NCAPD3: variants seen among roughly 807,000 people sequenced by gnomAD.
NCAPD3 encodes the protein non-SMC condensin II complex subunit D3.
A neutral mutation model predicts 182.9 loss-of-function variants in NCAPD3; 105 were observed. The ratio of observed to expected loss-of-function variants is 0.57; its 90% confidence interval spans 0.49 to 0.68. The LOEUF is 0.68. Among genes scored for constraint, NCAPD3 ranks in the 30% least tolerant of loss-of-function variants. NCAPD3 has a pLI of 0.00. For synonymous variants in NCAPD3, 815 were observed against 679.9 expected, an observed-to-expected ratio of 1.20 and a Z score of -3.09; for missense variants, 1,944 against 1,837.0, an observed-to-expected ratio of 1.06 and a Z score of -1.07.
chr11:134,211,820 A>G (rs1248852558), intron 3 of NCAPD3, among the ~76,000 whole-genome samples: 1 of 152,228 alleles, frequency 6.6e-6, no homozygotes, highest in Non-Finnish European at 1.5e-5. Context: ...AAGATACAGC[A>G]GGAGCGTAGA....
intron 27 of NCAPD3, among the ~76,000 whole-genome samples, chr11:134,165,099 C>T (rs115424068): frequency 0.016 from 1,966 of 124,060 alleles, 35 homozygotes; most frequent in African/African-American, 0.056. Context: ...AATGAGCTTG[C>T]GGGAGCTGCA....
intron 8 of NCAPD3, among the ~76,000 whole-genome samples, chr11:134,206,079 C>T (rs1937606712): frequency 6.6e-6 from 1 of 152,188 alleles, no homozygotes; most frequent in South Asian, 2.1e-4. Flanking sequence ...TTAAGTGAAG[C>T]TGAGTGACCC....
intron 24 of NCAPD3, among the ~76,000 whole-genome samples, chr11:134,173,899 T>A (rs1944088831): frequency 2.0e-5 from 3 of 150,410 alleles, no homozygotes. Flanking sequence ...AGTCGGAGGC[T>A]GCAGTGAGCC....
At chr11:134,223,412 C>A (rs773291257) in intron 1 of NCAPD3, 1 of 702,378 alleles carries the variant, frequency 1.4e-6, no homozygotes, top group South Asian at 1.5e-5. Flanking sequence ...GTGCCATTAG[C>A]AGGCTTTGGG....
At chr11:134,190,362 T>C (rs1428900300) in intron 16 of NCAPD3, among the ~76,000 whole-genome samples, 1 of 152,232 alleles carries the variant, frequency 6.6e-6, no homozygotes, top group Non-Finnish European at 1.5e-5. Context: ...CATCCTCATA[T>C]CATTGTTGTT....
At chr11:134,199,002 T>C (rs931960954) in intron 13 of NCAPD3, among the ~76,000 whole-genome samples, 1 of 151,962 alleles carries the variant, frequency 6.6e-6, no homozygotes, top group African/African-American at 2.4e-5. Flanking sequence ...CAAACGAACA[T>C]GGCAACACTC....
In NCAPD3 at chr11:134,185,002, TAGAG is replaced by T. The variant is rs1340720578; in HGVS notation, c.2238-6_2238-3del. The stretch of plus-strand genomic sequence containing the variant: ...GTGTTTGAATTGGGATTCTGCTGAC[TAGAG>T]AAAGGGCAGGAGGAATATGAAGGGA... On this transcript the variant is annotated splice_polypyrimidine_tract_variant and splice_region_variant and intron_variant, in intron 17 of 34. Coordinates refer to ENST00000534548, the MANE Select transcript of NCAPD3 (RefSeq NM_015261.3). The T allele has an allele frequency of 2.5e-6, 4 of 1,602,190 alleles. No homozygotes were observed. Among genetic ancestry groups the T allele is most frequent in the Non-Finnish European group, 3.4e-6 (4 of 1,169,156 alleles).
In NCAPD3 at chr11:134,192,733, G is replaced by T; in HGVS notation, c.2001C>A (p.Ala667=). ...TGGTGAGGAGAGTAAGAAGCGCCCA[G>T]GCGAGGACCTGGCTGTCGTCCCCAG... The part of the protein sequence containing the change: ...FHSGDDSQVL[A]WALLTLLTTE... Residue 667 remains alanine (A), a synonymous_variant, in exon 16 of 35, where the codon GCC becomes GCA. Transcript: ENST00000534548. 1.2e-6 allele frequency: 2 copies of T among 1,614,224 alleles called. No individual in the cohort carries two copies. Among genetic ancestry groups the T allele is most frequent in the Non-Finnish European group, 1.7e-6 (2 of 1,180,038 alleles).
At position 134,176,294 on chromosome 11, in the gene NCAPD3, G is replaced by C; in HGVS notation, c.3101+13C>G. On this transcript the variant is annotated intron_variant, in intron 24 of 34. Transcript: ENST00000534548. ...TAAACTGTTGAGTCGTCTGACGTGA[G>C]GAAAAGATTTACCTGGCAATGTCTG... 6.2e-7 allele frequency: 1 copy of C among 1,610,524 alleles called. No homozygotes were observed. Among genetic ancestry groups the C allele is most frequent in the African/African-American group, 1.3e-5 (1 of 74,956 alleles).
intron 4 of NCAPD3, 73 bp from the exon 5 acceptor site, chr11:134,209,550 C>G: frequency 7.1e-7 from 1 of 1,414,028 alleles, no homozygotes; most frequent in Admixed American, 2.1e-5. Context: ...TCAATTTACC[C>G]AAACCAAGCC....
chr11:134,210,447 T>C lies in NCAPD3; in HGVS notation c.390A>G (p.Val130=). Residue 130 remains valine, a synonymous_variant, in exon 4 of 35, where the codon GTA becomes GTG. Transcript: ENST00000534548. ...YFLLLEVPGS[V]ANQVFHPVMF... ...TCACTGGGTGGAATACTTGATTGGC[T>C]ACACTGCCTATTCATGAGGAATAAA... 5 of 1,613,538 alleles carry C rather than the reference T, an allele frequency of 3.1e-6. No individual in the cohort carries two copies. Among genetic ancestry groups the C allele is most frequent in the Non-Finnish European group, 4.2e-6 (5 of 1,179,452 alleles).
At chr11:134,170,612 TC>T (rs1244381024) in intron 24 of NCAPD3, among the ~76,000 whole-genome samples, 1 of 152,252 alleles carries the variant, frequency 6.6e-6, no homozygotes, top group Non-Finnish European at 1.5e-5. Flanking sequence ...AGAAGAGGGT[TC>T]CCTCTGAGTT....
Position 134,158,568 on chromosome 11 carries a change from T to C in NCAPD3, c.3868-73A>G. 4 of 1,484,208 alleles carry C rather than the reference T, an allele frequency of 2.7e-6. No homozygotes were observed. The South Asian group carries it at 4.9e-5, about 18-fold the overall frequency. The allele number at this position is 1,484,208 out of a possible 1,614,324, so 91.9% of individuals were successfully genotyped here. On this transcript the variant is annotated intron_variant, in intron 29 of 34. Transcript: ENST00000534548. The stretch of plus-strand genomic sequence containing the variant: ...TTCAAAAACGGATATATGATAGTTG[T>C]ACATGGTTGGGGGTCCATATGAGAT...
In NCAPD3 at chr11:134,185,340, G is replaced by A. The variant is rs1249058799; in HGVS notation, c.2232C>T (p.Ile744=). ...YSRIIQSWEK[I]SSQQNPNSNT... ...TTAAATTAGAAGATACAAACCTGCT[G>A]ATTTTCTCCCAAGATTGTATTATTC... The change falls in exon 17 of 35, where the codon ATC becomes ATT. Residue 744 remains isoleucine, a synonymous_variant. Coordinates refer to ENST00000534548, the MANE Select transcript of NCAPD3 (RefSeq NM_015261.3). 16 of 1,602,776 alleles carry A rather than the reference G, an allele frequency of 1.0e-5. No homozygotes were observed. The highest frequency in any genetic ancestry group is 1.3e-5 in the Non-Finnish European group (15 of 1,175,370).
rs1938186154 is a variant in NCAPD3, at chr11:134,220,535, A to C, written c.219+37T>G. On this transcript the variant is annotated intron_variant, in intron 2 of 34. Coordinates refer to ENST00000534548, the MANE Select transcript of NCAPD3 (RefSeq NM_015261.3). Reference sequence around the variant, plus strand: ...TAATGACTTTCATCTTCTACTTCTAACACCAAACTTTGGCTAGTTTGTTTT... The same window carrying C: ...TAATGACTTTCATCTTCTACTTCTACCACCAAACTTTGGCTAGTTTGTTTT... 3 of 1,585,860 alleles carry C rather than the reference A, an allele frequency of 1.9e-6. No homozygotes were observed. The South Asian group carries it at 3.4e-5, about 18-fold the overall frequency.
chr11:134,177,542 T>C (rs1298666672), intron 22 of NCAPD3, 85 bp from the exon 23 acceptor site: 2 of 1,194,070 alleles, frequency 1.7e-6, no homozygotes, highest in East Asian at 2.4e-5. Flanking sequence ...ATCTTGCTAA[T>C]GGCTTCTATT....
At chr11:134,197,867 T>C (rs551191033) in intron 13 of NCAPD3, among the ~76,000 whole-genome samples, 77 of 152,324 alleles carry the variant, frequency 5.1e-4, no homozygotes, top group African/African-American at 1.6e-3. Flanking sequence ...AAGCTTGAAA[T>C]GGAAGGAAAC....
At chr11:134,155,452 G>A (rs1390013260) in intron 32 of NCAPD3, among the ~76,000 whole-genome samples, 1 of 152,178 alleles carries the variant, frequency 6.6e-6, no homozygotes, top group East Asian at 1.9e-4. Context: ...GACTGCATCA[G>A]CAGGAATATT....
chr11:134,179,903 A>T (rs1167038313), intron 20 of NCAPD3, among the ~76,000 whole-genome samples: 1 of 152,208 alleles, frequency 6.6e-6, no homozygotes, highest in Non-Finnish European at 1.5e-5. Flanking sequence ...GTATCTCTTC[A>T]TTAAAAAAAT....
Sources: allele counts gnomAD v4.1 joint callset (sites outside exome capture counted in the v4.1 genomes callset), GRCh38; gene constraint gnomAD v4.1.1; transcripts MANE v1.5; gene names NCBI Gene and HGNC (gene_info 2026-07-23, HGNC 2026-07-21).